Variants in SUN3 observed in about 807,000 individuals in gnomAD.
SUN3 encodes SUN domain-containing protein 3.
In SUN3, 36 loss-of-function variants were observed where a neutral mutation model predicts 48.2. That is an observed-to-expected ratio of 0.75 (90% confidence interval 0.57 to 0.99). The LOEUF is 0.99. SUN3 is among the 50% of genes least tolerant of loss of function. The probability of loss-of-function intolerance (pLI) is 0.00; values close to 1 mark genes in which losing one functional copy is unlikely to be tolerated. For missense variants in SUN3, 419 were observed against 433.1 expected (o/e 0.97, Z 0.29); for synonymous variants, 148 against 147.9 (o/e 1.00, Z 0.00).
intron 8 of SUN3, among the ~76,000 whole-genome samples, chr7:47,992,171 C>A (rs1302181339): frequency 6.6e-6 from 1 of 152,162 alleles, no homozygotes; most frequent in Admixed American, 6.5e-5. Context: ...TGAGCCCCAC[C>A]GTGCGCGCAA....
At chr7:48,002,151 C>CTTTTTTTTTT (rs71006541) in intron 6 of SUN3, among the ~76,000 whole-genome samples, 5 of 64,136 alleles carry the variant, frequency 7.8e-5, no homozygotes, top group African/African-American at 4.0e-4. Context: ...TTGCATTTCT[C>CTTTTTTTTTT]TTTTTTTTTT....
At chr7:47,994,567 C>A (rs923268307) in intron 7 of SUN3, 85 bp from the exon 8 acceptor site, 4 of 1,389,366 alleles carry the variant, frequency 2.9e-6, no homozygotes, top group Non-Finnish European at 3.9e-6. Context: ...CTATTGACTG[C>A]AGATCTCTCT....
At chr7:48,028,374 G>A (rs1457683709) in intron 1 of SUN3, among the ~76,000 whole-genome samples, 1 of 141,688 alleles carries the variant, frequency 7.1e-6, no homozygotes, top group Non-Finnish European at 1.5e-5. Flanking sequence ...AGAGTCTTTA[G>A]TCAATTATCA....
chr7:48,028,463 C>G (rs927563127), intron 1 of SUN3, among the ~76,000 whole-genome samples: 1 of 83,862 alleles, frequency 1.2e-5, no homozygotes, highest in South Asian at 4.6e-4. Context: ...CAAGACTATA[C>G]AAGCTAGCCC....
intron 5 of SUN3, 152 bp from the exon 6 acceptor site, chr7:48,006,205 A>G (rs1789521032): frequency 3.3e-6 from 2 of 612,934 alleles, no homozygotes; most frequent in African/African-American, 1.9e-5. Flanking sequence ...CTGTTCATGG[A>G]TCTGGACTGA....
chr7:47,993,476 T>TA (rs1337967685), intron 8 of SUN3, among the ~76,000 whole-genome samples: 1 of 152,204 alleles, frequency 6.6e-6, no homozygotes, highest in Non-Finnish European at 1.5e-5. Context: ...TATTCAGCAA[T>TA]AAAAAATAAA....
At chr7:48,030,935 T>G (rs192632031), upstream of SUN3, among the ~76,000 whole-genome samples, 33 of 152,322 alleles carry the variant, frequency 2.2e-4, no homozygotes, top group Admixed American at 2.0e-3. Context: ...GATATTCACA[T>G]GCAAAAGAAT....
At chr7:48,002,156 T>C (rs1228195930) in intron 6 of SUN3, among the ~76,000 whole-genome samples, 2 of 76,048 alleles carry the variant, frequency 2.6e-5, no homozygotes, top group South Asian at 3.8e-4. Context: ...TTTCTCTTTT[T>C]TTTTTTTTTT....
chr7:48,031,023 C>T (rs1317831074), upstream of SUN3, among the ~76,000 whole-genome samples: 1 of 152,180 alleles, frequency 6.6e-6, no homozygotes, highest in Non-Finnish European at 1.5e-5. Context: ...AGACCTCTAA[C>T]CATAAAATTC....
chr7:48,002,698 T>A (rs1029044123), intron 6 of SUN3, among the ~76,000 whole-genome samples: 1 of 152,202 alleles, frequency 6.6e-6, no homozygotes. Flanking sequence ...ACTCCATTGA[T>A]AGTTTCTTTT....
chr7:48,002,339 T>A lies in SUN3; in HGVS notation c.577+3630A>T, dbSNP rs1453303994. Among the ~76,000 whole-genome samples, 4 of 144,474 alleles carry A rather than the reference T, an allele frequency of 2.8e-5. No individual in the cohort carries two copies. The East Asian group carries it at 7.7e-4, about 28-fold the overall frequency. The allele number at this position is 144,474 out of a possible 152,430, so 94.8% of individuals were successfully genotyped here. ...ACGCCCGGCTAATTTTTTGTATTTT[T>A]AGTAGAGATGGGGTTTCACCGTTTT... On this transcript the variant is annotated intron_variant, in intron 6 of 9. Transcript: ENST00000297325.
rs554255371 is a variant in SUN3 at position 48,001,683 on chromosome 7, G to A, written c.577+4286C>T. 5.9e-5 allele frequency among the ~76,000 whole-genome samples: 9 copies of A among 151,826 alleles called. No individual in the cohort carries two copies. In the South Asian group the frequency reaches 1.0e-3, roughly 18 times the overall value. On this transcript the variant is annotated intron_variant, in intron 6 of 9. Coordinates refer to ENST00000297325, the MANE Select transcript of SUN3 (RefSeq NM_001030019.2). Reference sequence around the variant, plus strand: ...TGAGTAGCTGGGACTACAGGTGCCCGCCACCACGCCCAGCTAATTTTTCTT... The same window carrying A: ...TGAGTAGCTGGGACTACAGGTGCCCACCACCACGCCCAGCTAATTTTTCTT...
chr7:47,990,467 T>C (rs1475687874), intron 8 of SUN3, among the ~76,000 whole-genome samples: 1 of 152,024 alleles, frequency 6.6e-6, no homozygotes, highest in African/African-American at 2.4e-5. Context: ...CAATAAATAC[T>C]AAGGGAACTC....
the SUN3 span, chr7:48,035,582 C>G: frequency 1.4e-6 from 1 of 696,498 alleles, no homozygotes. The surrounding 1 kb of genome is among the most constrained non-coding windows in gnomAD (Gnocchi z 4.0). Flanking sequence ...TGTAAAAACT[C>G]CAACGCCGGG....
At chr7:48,013,502 T>C (rs756298054) in intron 3 of SUN3, among the ~76,000 whole-genome samples, 5 of 152,194 alleles carry the variant, frequency 3.3e-5, no homozygotes, top group African/African-American at 4.8e-5. Flanking sequence ...TATTCTTTAC[T>C]TATTTTTCTT....
rs112137947 is a variant in SUN3, at chr7:48,005,216, A to T, written c.577+753T>A. On this transcript the variant is annotated intron_variant, in intron 6 of 9. Coordinates refer to ENST00000297325, the MANE Select transcript of SUN3 (RefSeq NM_001030019.2). ...AAATCCCAACTATGGTTCGTCTCCC[A>T]TCTTGTCCCCAACACTCATGCTTTA... 3.0e-3 allele frequency among the ~76,000 whole-genome samples: 454 copies of T among 152,310 alleles called. 7 individuals are homozygous for T. Among genetic ancestry groups the T allele is most frequent in the African/African-American group, 0.01 (423 of 41,564 alleles).
intron 3 of SUN3, 102 bp from the exon 4 acceptor site, chr7:48,009,177 G>T: frequency 1.8e-6 from 2 of 1,139,902 alleles, no homozygotes; most frequent in Non-Finnish European, 2.5e-6. Context: ...ATTGACTCCT[G>T]ATATACAGAT....
At chr7:48,033,011 G>A (rs570214032), upstream of SUN3, among the ~76,000 whole-genome samples, 25 of 152,318 alleles carry the variant, frequency 1.6e-4, no homozygotes, top group African/African-American at 5.8e-4. Context: ...GAGATTATCT[G>A]CATATCTACA....
intron 7 of SUN3, 151 bp downstream of exon 7, chr7:47,995,880 C>T (rs1228057887): frequency 8.0e-6 from 4 of 500,542 alleles, no homozygotes; most frequent in Non-Finnish European, 1.4e-5. Flanking sequence ...ATGCAGTGTA[C>T]TGACTATAAA....
Sources: allele counts gnomAD v4.1 joint callset (sites outside exome capture counted in the v4.1 genomes callset), GRCh38; gene constraint gnomAD v4.1.1; non-coding constraint Gnocchi (gnomAD v3.1); transcripts MANE v1.5; gene names NCBI Gene and HGNC (gene_info 2026-07-23, HGNC 2026-07-21).